Variants in WHRN observed in about 807,000 individuals in gnomAD.
The protein encoded by WHRN is whirlin.
In WHRN, 41 loss-of-function variants were observed where a neutral mutation model predicts 68.3. The observed-to-expected ratio is 0.60, with a 90% CI of 0.47 to 0.78. The LOEUF is 0.78. WHRN is among the 30% of genes least tolerant of loss of function. WHRN has a pLI of 0.00. For synonymous variants in WHRN, 560 were observed against 561.3 expected, an observed-to-expected ratio of 1.00 and a Z score of 0.03; for missense variants, 1,243 against 1,244.7, an observed-to-expected ratio of 1.00 and a Z score of 0.02.
intron 3 of WHRN, among the ~76,000 whole-genome samples, chr9:114,447,713 T>A (rs1838952766): frequency 6.6e-6 from 1 of 152,156 alleles, no homozygotes; most frequent in South Asian, 2.1e-4. Flanking sequence ...GGACTCCACC[T>A]TTCCAACTTT....
chr9:114,495,687 A>C (rs1442333431), intron 1 of WHRN, among the ~76,000 whole-genome samples: 1 of 152,260 alleles, frequency 6.6e-6, no homozygotes, highest in African/African-American at 2.4e-5. Context: ...CCTGAGAAGC[A>C]GACTTAAAAA....
intron 3 of WHRN, among the ~76,000 whole-genome samples, chr9:114,430,875 G>A (rs1024051044): frequency 2.0e-5 from 3 of 152,192 alleles, no homozygotes; most frequent in Non-Finnish European, 4.4e-5. Flanking sequence ...CAAAGTGCTA[G>A]GTAGGACTGG....
chr9:114,405,133 G>C (rs1834936822), intron 9 of WHRN, among the ~76,000 whole-genome samples: 1 of 143,636 alleles, frequency 7.0e-6, no homozygotes, highest in South Asian at 2.2e-4. Flanking sequence ...GGAGTGCAGT[G>C]GTGCAATCTT....
chr9:114,476,700 C>A (rs1046767940), intron 2 of WHRN, among the ~76,000 whole-genome samples: 1 of 152,134 alleles, frequency 6.6e-6, no homozygotes, highest in Non-Finnish European at 1.5e-5. Context: ...ATAACATCGT[C>A]AAGCACCCAG....
At chr9:114,432,155 G>C (rs1311453856) in intron 3 of WHRN, among the ~76,000 whole-genome samples, 2 of 152,200 alleles carry the variant, frequency 1.3e-5, no homozygotes, top group African/African-American at 4.8e-5. Context: ...TTAAGGCAGA[G>C]GAAAGACTCC....
In WHRN at chr9:114,466,278, T is replaced by G. The variant is rs1460602924; in HGVS notation, c.952A>C (p.Ser318Arg). 6.2e-7 allele frequency: 1 copy of G among 1,614,090 alleles called. No homozygotes were observed. The highest frequency in any genetic ancestry group is 1.7e-5 in the Admixed American group (1 of 60,034). The change falls in exon 3 of 12, where the codon AGC becomes CGC. Residue 318 changes from serine (S) to arginine (R), a missense_variant. Coordinates refer to ENST00000362057, the MANE Select transcript of WHRN (RefSeq NM_015404.4). ...AGGCCCTCCCTCACCTTGAGCCCGC[T>G]GCCTTCTGCTTCAGAGCCTGGGTCC... ...GVDPGSEAEG[S>R]GLKVGDQILE...
chr9:114,422,516 T>C (rs1380502615), intron 7 of WHRN, among the ~76,000 whole-genome samples: 1 of 152,152 alleles, frequency 6.6e-6, no homozygotes, highest in Non-Finnish European at 1.5e-5. Flanking sequence ...GATGCTTTGC[T>C]GGGGGGCTGG....
At chr9:114,498,531 A>G (rs1843652098) in intron 1 of WHRN, among the ~76,000 whole-genome samples, 1 of 152,130 alleles carries the variant, frequency 6.6e-6, no homozygotes, top group African/African-American at 2.4e-5. Flanking sequence ...TGCTCAGAGA[A>G]TGTATGGATG....
chr9:114,487,138 T>C (rs1842617732), intron 1 of WHRN, among the ~76,000 whole-genome samples: 1 of 147,988 alleles, frequency 6.8e-6, no homozygotes, highest in African/African-American at 2.5e-5. Context: ...AGTCAATATA[T>C]ATATAAAAGG....
At chr9:114,426,110 T>C in intron 4 of WHRN, 101 bp downstream of exon 4, 2 of 1,508,934 alleles carry the variant, frequency 1.3e-6, no homozygotes, top group South Asian at 1.1e-5. Context: ...GACTGCAGGC[T>C]GAGAGGAGAG....
intron 1 of WHRN, among the ~76,000 whole-genome samples, chr9:114,482,132 T>C (rs1343209716): frequency 2.0e-5 from 3 of 151,420 alleles, no homozygotes; most frequent in Non-Finnish European, 4.4e-5. Flanking sequence ...TCACGACACA[T>C]GCCTGGTGAG....
chr9:114,403,871 C>T (rs763382740), intron 10 of WHRN, 25 bp downstream of exon 10: 2 of 1,608,958 alleles, frequency 1.2e-6, no homozygotes, highest in Non-Finnish European at 1.7e-6. Flanking sequence ...TCTCAGCCCT[C>T]TGCATCCTCC....
chr9:114,462,270 C>T (rs1389881117), intron 3 of WHRN, among the ~76,000 whole-genome samples: 2 of 152,236 alleles, frequency 1.3e-5, no homozygotes, highest in Non-Finnish European at 2.9e-5. Context: ...CAGGCTTCAT[C>T]TCTTTTCCTG....
intron 2 of WHRN, among the ~76,000 whole-genome samples, chr9:114,473,085 A>G (rs1841373708): frequency 6.6e-6 from 1 of 152,240 alleles, no homozygotes; most frequent in African/African-American, 2.4e-5. Flanking sequence ...CTGGAGACAC[A>G]TGAGCTTGGC....
At chr9:114,418,167 G>A (rs963088943) in intron 7 of WHRN, among the ~76,000 whole-genome samples, 1 of 152,208 alleles carries the variant, frequency 6.6e-6, no homozygotes, top group African/African-American at 2.4e-5. Context: ...CCGGCAGGAA[G>A]GGTGGTACCT....
At chr9:114,409,834 A>G (rs1441579031) in intron 7 of WHRN, among the ~76,000 whole-genome samples, 1 of 151,040 alleles carries the variant, frequency 6.6e-6, no homozygotes, top group East Asian at 2.0e-4. Context: ...ACCCCACTCC[A>G]CCTTGCTTTA....
At chr9:114,474,212 C>T (rs1841468413) in intron 2 of WHRN, among the ~76,000 whole-genome samples, 1 of 152,182 alleles carries the variant, frequency 6.6e-6, no homozygotes, top group Non-Finnish European at 1.5e-5. Context: ...CTTTGAAGTT[C>T]ACCTTAACTA....
At chr9:114,424,920 G>C in intron 5 of WHRN, 68 bp downstream of exon 5, 1 of 1,552,478 alleles carries the variant, frequency 6.4e-7, no homozygotes. Context: ...GGCACCCTCT[G>C]GCTGGCCAGA....
At chr9:114,403,813 G>T in intron 10 of WHRN, 83 bp downstream of exon 10, 1 of 1,544,788 alleles carries the variant, frequency 6.5e-7, no homozygotes, top group Non-Finnish European at 8.9e-7. Flanking sequence ...TTGCCAAGCT[G>T]AGCCCTGGTC....
Sources: gnomAD v4.1 joint callset for allele counts (sites outside exome capture counted in the v4.1 genomes callset) on GRCh38, gnomAD v4.1.1 for gene constraint, MANE v1.5 for transcripts, NCBI Gene and HGNC (gene_info 2026-07-23, HGNC 2026-07-21) for gene names.